Variants in GNA14 observed in about 807,000 individuals in gnomAD.
GNA14 encodes guanine nucleotide-binding protein subunit alpha-14.
A neutral mutation model predicts 42.0 loss-of-function variants in GNA14; 50 were observed. The observed-to-expected ratio is 1.19, with a 90% CI of 0.95 to 1.51. The LOEUF is 1.51. Among genes scored for constraint, GNA14 ranks in the 40% most tolerant of loss-of-function variants. The probability of loss-of-function intolerance (pLI) is 0.00; values close to 1 mark genes in which losing one functional copy is unlikely to be tolerated. For synonymous variants in GNA14, 173 were observed against 163.1 expected (o/e 1.06, Z -0.46); for missense variants, 473 against 446.2 (o/e 1.06, Z -0.54).
intron 2 of GNA14, among the ~76,000 whole-genome samples, chr9:77,493,762 G>C (rs1393125695): frequency 6.6e-6 from 1 of 152,016 alleles, no homozygotes; most frequent in African/African-American, 2.4e-5. Context: ...TTTTGTAAAC[G>C]GATGGGATGG....
chr9:77,492,125 C>T (rs1375909674), intron 2 of GNA14, among the ~76,000 whole-genome samples: 1 of 151,968 alleles, frequency 6.6e-6, no homozygotes, highest in Non-Finnish European at 1.5e-5. Context: ...AATGGAAATA[C>T]AACATACCAA....
intron 2 of GNA14, among the ~76,000 whole-genome samples, chr9:77,455,802 T>C (rs146354513): frequency 7.0e-4 from 107 of 152,310 alleles, no homozygotes; most frequent in African/African-American, 2.4e-3. Flanking sequence ...CTTTAGCTAG[T>C]GGGAAGCTCA....
intron 2 of GNA14, among the ~76,000 whole-genome samples, chr9:77,527,614 T>G (rs915202984): frequency 6.6e-6 from 1 of 152,152 alleles, no homozygotes; most frequent in African/African-American, 2.4e-5. Flanking sequence ...GTAGGCTAAT[T>G]CACCCCACAC....
intron 1 of GNA14, among the ~76,000 whole-genome samples, chr9:77,556,745 C>A (rs1307605739): frequency 6.6e-6 from 1 of 152,164 alleles, no homozygotes; most frequent in Admixed American, 6.5e-5. Flanking sequence ...CCCCCAGACA[C>A]ACACACATCC....
chr9:77,534,009 CAT>C (rs1292155852), intron 1 of GNA14, among the ~76,000 whole-genome samples: 1 of 152,162 alleles, frequency 6.6e-6, no homozygotes, highest in Non-Finnish European at 1.5e-5. Context: ...TTCTCATACG[CAT>C]ATGTCACCTG....
intron 1 of GNA14, among the ~76,000 whole-genome samples, chr9:77,616,084 T>A (rs903177189): frequency 6.6e-6 from 1 of 152,206 alleles, no homozygotes; most frequent in African/African-American, 2.4e-5. Flanking sequence ...GCATTTATGT[T>A]GGGATACAAG....
chr9:77,622,012 A>G (rs1196559732), intron 1 of GNA14, among the ~76,000 whole-genome samples: 2 of 152,148 alleles, frequency 1.3e-5, no homozygotes, highest in Non-Finnish European at 2.9e-5. Context: ...CGCAATCTTG[A>G]ATCCCTTGCC....
At chr9:77,567,310 G>A (rs1822982033) in intron 1 of GNA14, among the ~76,000 whole-genome samples, 1 of 151,992 alleles carries the variant, frequency 6.6e-6, no homozygotes, top group African/African-American at 2.4e-5. Context: ...GTTTTTTAAT[G>A]ACATATCAAT....
chr9:77,620,317 G>C (rs910681356), intron 1 of GNA14, among the ~76,000 whole-genome samples: 2 of 152,196 alleles, frequency 1.3e-5, no homozygotes, highest in African/African-American at 4.8e-5. Context: ...TTATACCAAA[G>C]ATTTCTGGCA....
At chr9:77,498,897 C>T (rs189796054) in intron 2 of GNA14, among the ~76,000 whole-genome samples, 40 of 152,290 alleles carry the variant, frequency 2.6e-4, no homozygotes, top group African/African-American at 7.2e-4. Flanking sequence ...TTCACCTTTC[C>T]ATTCTATAAA....
chr9:77,623,216 C>CAAAAAAA lies in GNA14; in HGVS notation c.124+24447_124+24453dup, dbSNP rs34368561. On this transcript the variant is annotated intron_variant, in intron 1 of 6. Transcript: ENST00000341700. ...TGGGCAAAAGAGTGAGACGCTGTCT[C>CAAAAAAA]AAAAAAAAAAAAAAAAAAAAAAAAA... is the stretch of plus-strand genomic sequence containing the variant. Among the ~76,000 whole-genome samples the CAAAAAAA allele has an allele frequency of 2.9e-3, 78 of 26,842 alleles. 9 individuals are homozygous for CAAAAAAA. The highest frequency in any genetic ancestry group is 4.8e-3 in the East Asian group (2 of 416). The allele number at this position is 26,842 out of a possible 152,430, so 17.6% of individuals were successfully genotyped here.
At chr9:77,631,316 T>A (rs865864981) in intron 1 of GNA14, among the ~76,000 whole-genome samples, 3 of 152,088 alleles carry the variant, frequency 2.0e-5, no homozygotes, top group African/African-American at 7.2e-5. Context: ...TTACATCCCA[T>A]CATCACATGG....
intron 2 of GNA14, among the ~76,000 whole-genome samples, chr9:77,476,627 A>G (rs1468952267): frequency 1.3e-5 from 2 of 152,252 alleles, no homozygotes; most frequent in Non-Finnish European, 2.9e-5. Flanking sequence ...CTGAAGGCTT[A>G]ATAAAATGAT....
At chr9:77,452,858 A>G (rs1274253975) in intron 2 of GNA14, among the ~76,000 whole-genome samples, 1 of 151,926 alleles carries the variant, frequency 6.6e-6, no homozygotes, top group Non-Finnish European at 1.5e-5. Flanking sequence ...TGAGCTGGGC[A>G]CATTGGTTCA....
chr9:77,490,844 G>A (rs1282251206), intron 2 of GNA14, among the ~76,000 whole-genome samples: 1 of 152,256 alleles, frequency 6.6e-6, no homozygotes, highest in East Asian at 1.9e-4. Flanking sequence ...TGCAGTGGTG[G>A]GCTGAAGGGC....
chr9:77,534,065 A>G (rs1010781642), intron 1 of GNA14, among the ~76,000 whole-genome samples: 2 of 152,222 alleles, frequency 1.3e-5, no homozygotes, highest in African/African-American at 4.8e-5. Flanking sequence ...ATAAACTTGT[A>G]ATGAAAAAAC....
intron 2 of GNA14, among the ~76,000 whole-genome samples, chr9:77,441,546 T>G (rs767835104): frequency 6.6e-5 from 10 of 152,214 alleles, no homozygotes; most frequent in African/African-American, 1.4e-4. Context: ...CTATTTCAAG[T>G]GTCTACTGTG....
chr9:77,590,849 C>G (rs1486089384), intron 1 of GNA14, among the ~76,000 whole-genome samples: 1 of 152,094 alleles, frequency 6.6e-6, no homozygotes, highest in Non-Finnish European at 1.5e-5. Flanking sequence ...TAGAAAAGCA[C>G]AGGCCAAGCA....
At chr9:77,445,421 AG>A (rs10712426) in intron 2 of GNA14, among the ~76,000 whole-genome samples, 24,976 of 151,814 alleles carry the variant, frequency 0.16, 2,270 homozygotes, top group East Asian at 0.36. Context: ...TTCTCAGAGA[AG>A]GGTTTTGGGG....
Sources: allele counts gnomAD v4.1 joint callset (sites outside exome capture counted in the v4.1 genomes callset), GRCh38; gene constraint gnomAD v4.1.1; transcripts MANE v1.5; gene names NCBI Gene and HGNC (gene_info 2026-07-23, HGNC 2026-07-21).